The following RGPD2 variants were observed in gnomAD, a reference collection of about 807,000 sequenced individuals.
RGPD2 encodes RANBP2 like and GRIP domain containing 2.
RGPD2 carries 2 observed loss-of-function variants against 36.0 expected under a neutral mutation model. The observed-to-expected ratio is 0.06, with a 90% CI of 0.02 to 0.17. The LOEUF is 0.17. Among genes scored for constraint, RGPD2 ranks in the 10% least tolerant of loss-of-function variants. The pLI is 1.00. For synonymous variants in RGPD2, 19 were observed against 163.8 expected, an observed-to-expected ratio of 0.12 and a Z score of 6.75; for missense variants, 40 against 464.3, an observed-to-expected ratio of 0.09 and a Z score of 8.40.
At chr2:87,858,819 CA>C in the RGPD2 span, among the ~76,000 whole-genome samples, 2 of 149,710 alleles carry the variant, frequency 1.3e-5, no homozygotes, top group African/African-American at 4.9e-5. Flanking sequence ...CCACATTTTC[CA>C]ATTTTGCTTG....
At chr2:87,934,614 C>T in the RGPD2 span, among the ~76,000 whole-genome samples, 1 of 151,422 alleles carries the variant, frequency 6.6e-6, no homozygotes, top group African/African-American at 2.4e-5. Flanking sequence ...TATGTGTGTG[C>T]ATGTATACCT....
chr2:87,854,919 G>C, the RGPD2 span, among the ~76,000 whole-genome samples: 23 of 152,246 alleles, frequency 1.5e-4, no homozygotes, highest in African/African-American at 5.5e-4. Context: ...GTGATGATTT[G>C]ATATACATAT....
At chr2:87,988,178 G>C in the RGPD2 span, among the ~76,000 whole-genome samples, 1 of 138,494 alleles carries the variant, frequency 7.2e-6, no homozygotes, top group Admixed American at 7.7e-5. Flanking sequence ...ACCTACGTTT[G>C]TTGGCAAATC....
the RGPD2 span, among the ~76,000 whole-genome samples, chr2:87,976,266 G>C: frequency 6.6e-6 from 1 of 151,908 alleles, no homozygotes; most frequent in Non-Finnish European, 1.5e-5. Context: ...CTGAGAAAAG[G>C]CATCTGCAAT....
intron 1 of RGPD2, among the ~76,000 whole-genome samples, chr2:87,824,742 GGCCGCCGCCGCC>G (rs1329887497): frequency 1.8e-4 from 16 of 87,718 alleles, no homozygotes; most frequent in African/African-American, 2.5e-4. Flanking sequence ...GCCAGGCCGA[GGCCGCCGCCGCC>G]GCCGCCGCCG....
the RGPD2 span, among the ~76,000 whole-genome samples, chr2:87,989,543 T>C: frequency 1.3e-5 from 2 of 152,014 alleles, no homozygotes; most frequent in East Asian, 1.9e-4. Flanking sequence ...AATTACTGTA[T>C]AGTAAAAAGT....
At chr2:87,952,164 T>C in the RGPD2 span, among the ~76,000 whole-genome samples, 98 of 152,414 alleles carry the variant, frequency 6.4e-4, no homozygotes, top group Non-Finnish European at 1.2e-3. Flanking sequence ...GTATTCTTTT[T>C]ATGAAACCTC....
At chr2:87,986,110 A>C in the RGPD2 span, among the ~76,000 whole-genome samples, 1 of 139,924 alleles carries the variant, frequency 7.1e-6, no homozygotes. Context: ...TGAATTCAAC[A>C]GGGCTTGAAA....
chr2:87,961,351 G>A, the RGPD2 span, among the ~76,000 whole-genome samples: 3 of 152,042 alleles, frequency 2.0e-5, no homozygotes, highest in African/African-American at 7.2e-5. Flanking sequence ...TATCCTTGGC[G>A]ACGTCGGCGC....
the RGPD2 span, among the ~76,000 whole-genome samples, chr2:87,947,927 C>T: frequency 9.2e-5 from 14 of 151,730 alleles, no homozygotes; most frequent in East Asian, 3.9e-4. Context: ...GCTACCCGTT[C>T]GGGACCCCTT....
At chr2:87,894,281 T>C in the RGPD2 span, among the ~76,000 whole-genome samples, 51 of 152,166 alleles carry the variant, frequency 3.4e-4, no homozygotes, top group Non-Finnish European at 6.3e-4. Context: ...TGCTTAAACC[T>C]ATATTTGATA....
intron 21 of RGPD2, among the ~76,000 whole-genome samples, chr2:87,772,870 C>T (rs1334140811): frequency 1.3e-5 from 2 of 150,156 alleles, no homozygotes; most frequent in Non-Finnish European, 3.0e-5. Context: ...TACTGGAGTT[C>T]TTGTCTCAGA....
chr2:87,825,448 CAG>C (rs1686697615), intron 1 of RGPD2, among the ~76,000 whole-genome samples: 1 of 109,188 alleles, frequency 9.2e-6, no homozygotes, highest in Non-Finnish European at 2.1e-5. Flanking sequence ...GCCGCCCGGC[CAG>C]GCCGAGGCCG....
the RGPD2 span, among the ~76,000 whole-genome samples, chr2:87,867,625 A>G: frequency 6.6e-6 from 1 of 152,118 alleles, no homozygotes; most frequent in African/African-American, 2.4e-5. Context: ...AATTATGTTT[A>G]CTCAAAAATA....
chr2:87,934,981 C>A, the RGPD2 span, among the ~76,000 whole-genome samples: 1 of 151,104 alleles, frequency 6.6e-6, no homozygotes, highest in Middle Eastern at 3.4e-3. Context: ...CTTTTGGCGC[C>A]ATGCAGTTGC....
chr2:87,915,532 A>T, the RGPD2 span, among the ~76,000 whole-genome samples: 1 of 143,066 alleles, frequency 7.0e-6, no homozygotes, highest in South Asian at 2.1e-4. Context: ...ATATATACAT[A>T]TATACACATA....
the RGPD2 span, among the ~76,000 whole-genome samples, chr2:87,975,628 C>G: frequency 2.6e-5 from 4 of 152,024 alleles, no homozygotes; most frequent in Non-Finnish European, 5.9e-5. Flanking sequence ...TAGTTGTACA[C>G]TCTCCACATA....
chr2:87,769,586 C>T (rs949071667), intron 22 of RGPD2, among the ~76,000 whole-genome samples: 2 of 151,424 alleles, frequency 1.3e-5, no homozygotes, highest in African/African-American at 4.8e-5. Context: ...TAGGAGCCAC[C>T]TGGACGTTAG....
the RGPD2 span, among the ~76,000 whole-genome samples, chr2:87,955,064 A>G: frequency 2.8e-4 from 10 of 35,128 alleles, no homozygotes; most frequent in Non-Finnish European, 4.0e-4. Context: ...CCCAGGCTGG[A>G]GTGCAGTGGC....
Sources: allele counts gnomAD v4.1 joint callset (sites outside exome capture counted in the v4.1 genomes callset), GRCh38; gene constraint gnomAD v4.1.1; transcripts MANE v1.5; gene names NCBI Gene and HGNC (gene_info 2026-07-23, HGNC 2026-07-21).